Variants in MYT1L observed in about 807,000 individuals in gnomAD.
MYT1L encodes myelin transcription factor 1-like protein.
In MYT1L, 12 loss-of-function variants were observed where a neutral mutation model predicts 126.7. The ratio of observed to expected loss-of-function variants is 0.09; its 90% CI spans 0.06 to 0.15. MYT1L has a LOEUF of 0.15. Ranked by LOEUF, MYT1L falls within the 10% of genes least tolerant of loss-of-function variation. MYT1L has a pLI of 1.00. For synonymous variants in MYT1L, 541 were observed against 604.2 expected (o/e 0.90, Z 1.53); for missense variants, 979 against 1,585.2 (o/e 0.62, Z 6.49).
At chr2:2,292,058 C>A (rs2095607859) in intron 1 of MYT1L, among the ~76,000 whole-genome samples, 2 of 152,200 alleles carry the variant, frequency 1.3e-5, no homozygotes, top group Admixed American at 1.3e-4. Flanking sequence ...TGGGCCTCAG[C>A]TGCGTGGGCT....
rs530257712 is a variant in MYT1L at position 1,919,640 on chromosome 2, C to G, written c.1484-2301G>C. 2.0e-5 allele frequency among the ~76,000 whole-genome samples: 3 copies of G among 152,298 alleles called. No individual in the cohort carries two copies. The East Asian group carries it at 5.8e-4, about 29-fold the overall frequency. ...AATAACAGAGTGTCTGAAAATAGAGCCTGTTGACATGCTAGTGGTTGCAGG... is the reference window on the plus strand; with the variant it reads ...AATAACAGAGTGTCTGAAAATAGAGGCTGTTGACATGCTAGTGGTTGCAGG... On this transcript the variant is annotated intron_variant, in intron 10 of 24. Coordinates refer to ENST00000647738, the MANE Select transcript of MYT1L (RefSeq NM_001303052.2).
At chr2:2,001,237 C>CTTTTTTTTTTTTTTTTTCTT (rs11389323) in intron 4 of MYT1L, among the ~76,000 whole-genome samples, 5 of 103,910 alleles carry the variant, frequency 4.8e-5, no homozygotes, top group East Asian at 2.9e-4. Context: ...TTGGTTTTAG[C>CTTTTTTTTTTTTTTTTTCTT]TTTTTTTTTT....
intron 2 of MYT1L, among the ~76,000 whole-genome samples, chr2:2,274,955 T>C (rs548365495): frequency 6.6e-6 from 1 of 151,912 alleles, no homozygotes; most frequent in South Asian, 2.1e-4. Flanking sequence ...CCCTATGTAG[T>C]GCTATGAGGG....
intron 8 of MYT1L, among the ~76,000 whole-genome samples, chr2:1,976,194 GA>G (rs1368917013): frequency 6.7e-6 from 1 of 149,322 alleles, no homozygotes; most frequent in Non-Finnish European, 1.5e-5. Context: ...GTCCTATTTA[GA>G]AGAAGCCTGG....
chr2:1,904,455 A>G (rs1210288958), intron 13 of MYT1L, among the ~76,000 whole-genome samples: 2 of 151,594 alleles, frequency 1.3e-5, no homozygotes, highest in Admixed American at 6.6e-5. Flanking sequence ...TGCCACCCCC[A>G]CCTCCTGGGT....
intron 4 of MYT1L, among the ~76,000 whole-genome samples, chr2:2,041,932 T>C (rs567256869): frequency 1.3e-5 from 2 of 152,364 alleles, no homozygotes; most frequent in South Asian, 2.1e-4. Context: ...GAAATAGTTT[T>C]GTGGAGCATC....
At chr2:1,813,591 G>C (rs1222884959) in intron 21 of MYT1L, among the ~76,000 whole-genome samples, 1 of 152,164 alleles carries the variant, frequency 6.6e-6, no homozygotes, top group African/African-American at 2.4e-5. Flanking sequence ...TCAGCGGCGG[G>C]ATTCGATTCT....
chr2:2,109,873 TTTTATATA>T (rs2079174778), intron 3 of MYT1L, among the ~76,000 whole-genome samples: 1 of 82,012 alleles, frequency 1.2e-5, no homozygotes, highest in African/African-American at 4.7e-5. Context: ...AAAGTGCTGA[TTTTATATA>T]TATATATATA....
chr2:2,295,908 T>A, intron 1 of MYT1L, among the ~76,000 whole-genome samples: 1 of 109,176 alleles, frequency 9.2e-6, no homozygotes, highest in African/African-American at 3.7e-5. Flanking sequence ...AGAGAGAGAA[T>A]AATAAAGCTA....
At chr2:2,219,949 G>A (rs1056963562) in intron 2 of MYT1L, among the ~76,000 whole-genome samples, 1 of 148,020 alleles carries the variant, frequency 6.8e-6, no homozygotes, top group Non-Finnish European at 1.5e-5. Context: ...TTCTAACACA[G>A]CCATCTTTCC....
At chr2:1,836,475 G>A (rs1458644562) in intron 21 of MYT1L, among the ~76,000 whole-genome samples, 1 of 106,750 alleles carries the variant, frequency 9.4e-6, no homozygotes, top group African/African-American at 3.6e-5. Flanking sequence ...CCCCAAATTC[G>A]ACCAGCCTGC....
intron 5 of MYT1L, among the ~76,000 whole-genome samples, chr2:1,989,112 G>A (rs1477263441): frequency 6.6e-6 from 1 of 152,060 alleles, no homozygotes; most frequent in Non-Finnish European, 1.5e-5. Flanking sequence ...CAAACGTTTA[G>A]TTGCATTTAC....
At position 1,789,601 on chromosome 2, in the gene MYT1L, C is replaced by T. The variant is rs1331188203; in HGVS notation, c.*2266G>A. ...AGGTGATAACAATAAGAATCCAAAA[C>T]TGATACTATCTAGTACTCTACTAAA... On this transcript the variant is annotated 3_prime_UTR_variant, in exon 25 of 25. Coordinates refer to ENST00000647738, the MANE Select transcript of MYT1L (RefSeq NM_001303052.2). 6.6e-6 allele frequency: 1 copy of T among 152,198 alleles called. No individual in the cohort carries two copies. Among genetic ancestry groups the T allele is most frequent in the Non-Finnish European group, 1.5e-5 (1 of 68,034 alleles). The allele number at this position is 152,198 out of a possible 1,614,324, so 9.4% of individuals were successfully genotyped here.
At chr2:2,196,895 A>C (rs763139738) in intron 2 of MYT1L, among the ~76,000 whole-genome samples, 1 of 152,156 alleles carries the variant, frequency 6.6e-6, no homozygotes, top group Non-Finnish European at 1.5e-5. Flanking sequence ...CAGGACCATC[A>C]ATAGTCAAAG....
chr2:2,291,073 T>A (rs72769257), intron 1 of MYT1L, among the ~76,000 whole-genome samples: 33,454 of 148,364 alleles, frequency 0.23, 4,472 homozygotes, highest in South Asian at 0.34. Flanking sequence ...AAAAAAAAAA[T>A]GAAAGTCAGT....
At chr2:2,176,345 G>A (rs1056837070) in intron 2 of MYT1L, among the ~76,000 whole-genome samples, 1 of 152,040 alleles carries the variant, frequency 6.6e-6, no homozygotes, top group Admixed American at 6.6e-5. Flanking sequence ...TTAAGTCTAG[G>A]TCAGTTACAT....
At chr2:2,273,463 G>C (rs1256007333) in intron 2 of MYT1L, among the ~76,000 whole-genome samples, 4 of 152,164 alleles carry the variant, frequency 2.6e-5, no homozygotes, top group African/African-American at 9.6e-5. Flanking sequence ...AATGTATCAT[G>C]CCAGGAAGAT....
At chr2:2,186,745 T>G (rs1381601773) in intron 2 of MYT1L, among the ~76,000 whole-genome samples, 1 of 152,246 alleles carries the variant, frequency 6.6e-6, no homozygotes, top group Non-Finnish European at 1.5e-5. Flanking sequence ...ATTAACAGAT[T>G]GTTATAAAAT....
intron 2 of MYT1L, among the ~76,000 whole-genome samples, chr2:2,214,692 C>T (rs2093629334): frequency 6.6e-6 from 1 of 152,066 alleles, no homozygotes; most frequent in Non-Finnish European, 1.5e-5. Context: ...TATGTGTCAC[C>T]AGCAGACTGG....
Sources: gnomAD v4.1 joint callset for allele counts (sites outside exome capture counted in the v4.1 genomes callset) on GRCh38, gnomAD v4.1.1 for gene constraint, MANE v1.5 for transcripts, NCBI Gene and HGNC (gene_info 2026-07-23, HGNC 2026-07-21) for gene names.